The following YAF2 variants were observed in gnomAD, a reference collection of about 807,000 sequenced individuals.
The protein encoded by YAF2 is YY1 associated factor 2, also known as YY1-associated factor 2.
A neutral mutation model predicts 20.1 loss-of-function variants in YAF2; 7 were observed. The ratio of observed to expected loss-of-function variants is 0.35; its 90% CI spans 0.20 to 0.65. The LOEUF is 0.65. Among genes scored for constraint, YAF2 ranks in the 30% least tolerant of loss-of-function variants. The probability of loss-of-function intolerance (pLI) is 0.69; values close to 1 mark genes in which losing one functional copy is unlikely to be tolerated. For synonymous variants in YAF2, 74 were observed against 76.0 expected (o/e 0.97, Z 0.14); for missense variants, 151 against 219.2 (o/e 0.69, Z 1.96).
chr12:42,176,609 A>G (rs1462208956), intron 2 of YAF2, among the ~76,000 whole-genome samples: 17 of 152,106 alleles, frequency 1.1e-4, no homozygotes, highest in Admixed American at 5.9e-4. Flanking sequence ...CACCTTCAAA[A>G]TAAGTCTAAA....
At chr12:42,179,891 A>G (rs979149386) in intron 2 of YAF2, among the ~76,000 whole-genome samples, 5 of 152,024 alleles carry the variant, frequency 3.3e-5, no homozygotes, top group Non-Finnish European at 7.4e-5. Context: ...TGATATGGAT[A>G]GACTGATAGT....
At position 42,235,468 on chromosome 12, in the gene YAF2, AC is replaced by A. The variant is rs1196025769; in HGVS notation, c.152+2130del. On this transcript the variant is annotated intron_variant, in intron 2 of 3. Transcript: ENST00000534854. ...ACTGTTCTATACAAACACAGATTCTACCCTGAATTTCAGAAACCACTAGGAA... is the reference window on the plus strand; with the variant it reads ...ACTGTTCTATACAAACACAGATTCTACCTGAATTTCAGAAACCACTAGGAA... The A allele has an allele frequency of 2.6e-5, 31 of 1,213,720 alleles. No homozygotes were observed. The African/African-American group carries it at 4.8e-4, about 19-fold the overall frequency. The allele number at this position is 1,213,720 out of a possible 1,614,324, so 75.2% of individuals were successfully genotyped here.
At chr12:42,199,563 C>T (rs901546142) in intron 2 of YAF2, 1 of 163,974 alleles carries the variant, frequency 6.1e-6, no homozygotes, top group Non-Finnish European at 1.3e-5. Context: ...AGTACCATAA[C>T]AGATTTCAAA....
chr12:42,201,063 C>T (rs2066885869), intron 2 of YAF2, among the ~76,000 whole-genome samples: 1 of 152,166 alleles, frequency 6.6e-6, no homozygotes, highest in African/African-American at 2.4e-5. Flanking sequence ...GAAATAAATA[C>T]TAATTAATGA....
At chr12:42,190,629 G>C (rs567088888) in intron 2 of YAF2, among the ~76,000 whole-genome samples, 3 of 152,150 alleles carry the variant, frequency 2.0e-5, no homozygotes, top group African/African-American at 7.2e-5. Flanking sequence ...TTCTAGTAAT[G>C]AAATTCTTAG....
chr12:42,180,498 G>C (rs2066315754), intron 2 of YAF2, among the ~76,000 whole-genome samples: 1 of 152,212 alleles, frequency 6.6e-6, no homozygotes, highest in African/African-American at 2.4e-5. Context: ...CTGCAGCCTT[G>C]TATCAGGAGA....
At chr12:42,233,466 C>T in intron 2 of YAF2, 1 of 983,236 alleles carries the variant, frequency 1.0e-6, no homozygotes, top group Non-Finnish European at 1.2e-6. Context: ...TTATCACCCT[C>T]ATACAGACTA....
chr12:42,192,915 T>C (rs1048039473), intron 2 of YAF2, among the ~76,000 whole-genome samples: 6 of 152,232 alleles, frequency 3.9e-5, no homozygotes, highest in Non-Finnish European at 7.3e-5. Context: ...AGCTGACAAA[T>C]ACTTATCACC....
intron 2 of YAF2, among the ~76,000 whole-genome samples, chr12:42,209,894 G>A (rs1420544941): frequency 6.6e-6 from 1 of 152,142 alleles, no homozygotes; most frequent in Non-Finnish European, 1.5e-5. Flanking sequence ...TGCCTCCTGG[G>A]TTCAAGCGAT....
intron 2 of YAF2, among the ~76,000 whole-genome samples, chr12:42,170,675 TAC>T (rs142651413): frequency 2.0e-5 from 3 of 150,758 alleles, no homozygotes; most frequent in African/African-American, 4.9e-5. Context: ...CAAAAAACTA[TAC>T]ACACACACAC....
At chr12:42,202,110 C>A (rs186816378) in intron 2 of YAF2, among the ~76,000 whole-genome samples, 2 of 152,088 alleles carry the variant, frequency 1.3e-5, no homozygotes, top group East Asian at 3.9e-4. Flanking sequence ...AGTTTCCCCC[C>A]CCATCTAGAA....
At chr12:42,187,896 T>C (rs948955935) in intron 2 of YAF2, among the ~76,000 whole-genome samples, 1 of 152,184 alleles carries the variant, frequency 6.6e-6, no homozygotes, top group Non-Finnish European at 1.5e-5. Context: ...TGTTTACTCC[T>C]GGATCATTCA....
chr12:42,199,356 A>C (rs2066839377), intron 2 of YAF2: 1 of 422,562 alleles, frequency 2.4e-6, no homozygotes, highest in South Asian at 2.9e-5. Flanking sequence ...CTCAATTACA[A>C]GTGTTAAAAC....
At chr12:42,228,608 G>T (rs2067859131) in intron 2 of YAF2, among the ~76,000 whole-genome samples, 1 of 96,252 alleles carries the variant, frequency 1.0e-5, no homozygotes, top group Non-Finnish European at 2.0e-5. Context: ...GGAGGGAGGT[G>T]GGGGTGTCAG....
intron 2 of YAF2, among the ~76,000 whole-genome samples, chr12:42,173,638 T>C (rs1012747046): frequency 6.6e-5 from 10 of 152,178 alleles, no homozygotes; most frequent in Non-Finnish European, 1.5e-4. Flanking sequence ...TACCCACTAA[T>C]ACTACTCTAG....
At chr12:42,186,355 A>AAAAT (rs911405036) in intron 2 of YAF2, among the ~76,000 whole-genome samples, 10 of 152,052 alleles carry the variant, frequency 6.6e-5, no homozygotes, top group East Asian at 1.9e-4. Flanking sequence ...ACTCCAACTC[A>AAAAT]AAATAAATAA....
At position 42,160,514 on chromosome 12, in the gene YAF2, T is replaced by C. The variant is rs2065775081; in HGVS notation, c.*75A>G. 3.7e-6 allele frequency: 4 copies of C among 1,081,908 alleles called. No individual in the cohort carries two copies. Among genetic ancestry groups the C allele is most frequent in the Non-Finnish European group, 5.5e-6 (4 of 730,084 alleles). 67.0% of individuals were successfully genotyped at this position (1,081,908 alleles called of 1,614,324 possible). On this transcript the variant is annotated 3_prime_UTR_variant, in exon 4 of 4. Transcript: ENST00000534854. ...TGCATGAATGTATCTGTCATGAAAATGTGGTACCTCTTGGCATAATCTGTG... is the reference window on the plus strand; with the variant it reads ...TGCATGAATGTATCTGTCATGAAAACGTGGTACCTCTTGGCATAATCTGTG...
chr12:42,233,027 T>C (rs1297849673), intron 2 of YAF2: 2 of 985,408 alleles, frequency 2.0e-6, no homozygotes, highest in East Asian at 1.1e-4. Flanking sequence ...AAAAAATCCA[T>C]TTTGCTCACC....
At chr12:42,164,867 C>T (rs941583515) in intron 2 of YAF2, among the ~76,000 whole-genome samples, 6 of 151,764 alleles carry the variant, frequency 4.0e-5, no homozygotes, top group South Asian at 2.1e-4. Context: ...TCCAGGAGTT[C>T]GAGGCCAGCC....
Sources: gnomAD v4.1 joint callset for allele counts (sites outside exome capture counted in the v4.1 genomes callset) on GRCh38, gnomAD v4.1.1 for gene constraint, MANE v1.5 for transcripts, NCBI Gene and HGNC (gene_info 2026-07-23, HGNC 2026-07-21) for gene names.